Variants in MAP3K20 observed in about 807,000 individuals in gnomAD.
MAP3K20 encodes the protein HCCS-4.
A neutral mutation model predicts 85.7 loss-of-function variants in MAP3K20; 40 were observed. The observed-to-expected ratio is 0.47, with a 90% CI of 0.36 to 0.61. The LOEUF is 0.61. Ranked by LOEUF, MAP3K20 falls within the 20% of genes least tolerant of loss-of-function variation. MAP3K20 has a pLI of 0.00. For synonymous variants in MAP3K20, 325 were observed against 327.7 expected (o/e 0.99, Z 0.09); for missense variants, 817 against 961.7 (o/e 0.85, Z 1.99).
intron 11 of MAP3K20, chr2:173,223,920 C>T: frequency 1.0e-6 from 1 of 985,402 alleles, no homozygotes; most frequent in East Asian, 1.1e-4. Flanking sequence ...CAGTGGTCAG[C>T]CACCTGAAGA....
chr2:173,228,822 T>TTC (rs1684452333), intron 11 of MAP3K20, among the ~76,000 whole-genome samples: 1 of 152,194 alleles, frequency 6.6e-6, no homozygotes, highest in African/African-American at 2.4e-5. Flanking sequence ...TCAACTTTTT[T>TTC]TTGAAACTCA....
Position 173,238,293 on chromosome 2 carries a change from G to A in MAP3K20, c.1204-80G>A, listed in dbSNP as rs117191910. On this transcript the variant is annotated intron_variant, in intron 14 of 19. Transcript: ENST00000375213. ...TTTATGAACTAGGTAAATAAGGAAT[G>A]TTTTTGTTTGTACCCAATGATTTTA... 5.3e-5 allele frequency: 65 copies of A among 1,236,090 alleles called. 1 individual carries two copies. In the East Asian group the frequency reaches 1.5e-3, roughly 28 times the overall value. The allele number at this position is 1,236,090 out of a possible 1,614,324, so 76.6% of individuals were successfully genotyped here. A position where few individuals can be genotyped will look rare whatever the true frequency, so the allele number is the denominator to read the frequency against.
intron 18 of MAP3K20, among the ~76,000 whole-genome samples, chr2:173,263,042 GT>G (rs961156936): frequency 3.3e-5 from 5 of 152,230 alleles, no homozygotes; most frequent in African/African-American, 7.2e-5. Flanking sequence ...TCACTTCAGA[GT>G]TTTTTAAAAC....
chr2:173,186,628 A>G (rs1690493305), intron 4 of MAP3K20, among the ~76,000 whole-genome samples: 1 of 152,132 alleles, frequency 6.6e-6, no homozygotes, highest in African/African-American at 2.4e-5. Context: ...TTTTCAATGC[A>G]TTGTTCATTT....
chr2:173,204,366 A>G (rs1405347402), intron 9 of MAP3K20, among the ~76,000 whole-genome samples: 1 of 152,224 alleles, frequency 6.6e-6, no homozygotes, highest in Non-Finnish European at 1.5e-5. Context: ...CTGGACATGA[A>G]CTAGGTCTGG....
At chr2:173,183,574 A>G (rs897102018) in intron 4 of MAP3K20, among the ~76,000 whole-genome samples, 1 of 152,104 alleles carries the variant, frequency 6.6e-6, no homozygotes, top group African/African-American at 2.4e-5. Flanking sequence ...TTCTAAAGCA[A>G]TTCAAACTTC....
chr2:173,252,285 T>C (rs1421623910), intron 16 of MAP3K20, among the ~76,000 whole-genome samples: 3 of 152,258 alleles, frequency 2.0e-5, no homozygotes, highest in African/African-American at 7.2e-5. Context: ...TAGCATCAAC[T>C]GAGTGTCGTT....
At chr2:173,221,919 TTAACTCC>T in intron 11 of MAP3K20, 1 of 989,678 alleles carries the variant, frequency 1.0e-6, no homozygotes, top group African/African-American at 1.7e-5. Context: ...ACAAACACTC[TTAACTCC>T]TAATTGTTCT....
rs748054472 is a variant in MAP3K20 at position 173,198,124 on chromosome 2, T to C, written c.669+12T>C. 1 of 1,609,622 alleles carries C rather than the reference T, an allele frequency of 6.2e-7. No homozygotes were observed. The highest frequency in any genetic ancestry group is 1.1e-5 in the South Asian group (1 of 90,662). On this transcript the variant is annotated intron_variant, in intron 8 of 19. Coordinates refer to ENST00000375213, the MANE Select transcript of MAP3K20 (RefSeq NM_016653.3). The surrounding 1 kb of genome is among the most constrained non-coding windows in gnomAD (Gnocchi z 5.8). ...TGGAAAAAAACGAGGTAAGACTACG[T>C]TTCTCCATTCAGGTACATAGATCAG...
chr2:173,224,774 A>G (rs968389425), intron 11 of MAP3K20: 37 of 985,252 alleles, frequency 3.8e-5, no homozygotes, highest in African/African-American at 2.8e-4. Context: ...TCAGAATTCT[A>G]TAGTGTCCCA....
chr2:173,086,323 C>T (rs1687145868), intron 1 of MAP3K20, among the ~76,000 whole-genome samples: 1 of 152,056 alleles, frequency 6.6e-6, no homozygotes, highest in Non-Finnish European at 1.5e-5. Flanking sequence ...ATAAATTGAT[C>T]CCCTTAGAAA....
At chr2:173,246,375 A>G (rs374758203) in intron 16 of MAP3K20, among the ~76,000 whole-genome samples, 18 of 152,320 alleles carry the variant, frequency 1.2e-4, no homozygotes, top group Middle Eastern at 3.4e-3. Context: ...GTGTTTTACA[A>G]TCTAAGGCCT....
Position 173,169,838 on chromosome 2 carries a change from A to G in MAP3K20, c.193A>G (p.Ile65Val). 1 of 1,613,998 alleles carries G rather than the reference A, an allele frequency of 6.2e-7. No individual in the cohort carries two copies. Among genetic ancestry groups the G allele is most frequent in the Non-Finnish European group, 8.5e-7 (1 of 1,179,972 alleles). Residue 65 changes from isoleucine (I) to valine (V), a missense_variant, in exon 3 of 20, where the codon ATC becomes GTC. Transcript: ENST00000375213. ...EILSVLSHRN[I>V]IQFYGVILEP... ...ACTCAGTGTCCTCAGTCACAGAAAC[A>G]TCATCCAGTTTTATGGAGTAATTCT...
intron 14 of MAP3K20, 73 bp downstream of exon 14, chr2:173,232,532 C>A: frequency 6.3e-7 from 1 of 1,576,608 alleles, no homozygotes; most frequent in Non-Finnish European, 8.6e-7. Context: ...GAGGCAGAGT[C>A]TTGCTCTGTT....
rs3835094 is a variant in MAP3K20 at position 173,266,783 on chromosome 2, TAAA to T, written c.*48_*50del. The T allele has an allele frequency of 1.7e-3, 1,732 of 1,026,402 alleles. No homozygotes were observed. The highest frequency in any genetic ancestry group is 4.9e-3 in the East Asian group (165 of 33,786). The allele number at this position is 1,026,402 out of a possible 1,614,324, so 63.6% of individuals were successfully genotyped here. A position where few individuals can be genotyped will look rare whatever the true frequency, so the allele number is the denominator to read the frequency against. Reference sequence around the variant, plus strand: ...AACTACATAGCTTTTCTAAGCAGGTTAAAAAAAAAAAAAAAAAGAAATGTAATG... The same window carrying T: ...AACTACATAGCTTTTCTAAGCAGGTTAAAAAAAAAAAAAAGAAATGTAATG... On this transcript the variant is annotated 3_prime_UTR_variant, in exon 20 of 20. Coordinates refer to ENST00000375213, the MANE Select transcript of MAP3K20 (RefSeq NM_016653.3).
At chr2:173,120,753 G>A (rs1688262317) in intron 2 of MAP3K20, among the ~76,000 whole-genome samples, 2 of 128,024 alleles carry the variant, frequency 1.6e-5, no homozygotes, top group African/African-American at 3.0e-5. Context: ...TGTTGCCTAG[G>A]CTGGAGTGCA....
At chr2:173,221,512 C>T (rs1010641488) in intron 11 of MAP3K20, 2 of 1,589,464 alleles carry the variant, frequency 1.3e-6, no homozygotes, top group South Asian at 2.3e-5. Flanking sequence ...AGGATAATGA[C>T]ATGGATAATA....
At chr2:173,104,367 A>G (rs1687724895) in intron 2 of MAP3K20, among the ~76,000 whole-genome samples, 2 of 152,212 alleles carry the variant, frequency 1.3e-5, no homozygotes, top group Middle Eastern at 3.2e-3. Flanking sequence ...GACAGTCTAC[A>G]AAATACCTGG....
At chr2:173,227,317 G>C (rs1684416121) in intron 11 of MAP3K20, among the ~76,000 whole-genome samples, 1 of 151,976 alleles carries the variant, frequency 6.6e-6, no homozygotes, top group Non-Finnish European at 1.5e-5. Context: ...TCATGGGGTG[G>C]ATTTTTTTTT....
Sources: allele counts gnomAD v4.1 joint callset (sites outside exome capture counted in the v4.1 genomes callset), GRCh38; gene constraint gnomAD v4.1.1; non-coding constraint Gnocchi (gnomAD v3.1); transcripts MANE v1.5; gene names NCBI Gene and HGNC (gene_info 2026-07-23, HGNC 2026-07-21).